Variants in LHFPL6 observed in about 807,000 individuals in gnomAD.
LHFPL6 encodes the protein LHFPL tetraspan subfamily member 6, also known as LHFPL tetraspan subfamily member 6 protein.
Under a neutral mutation model 20.6 loss-of-function variants are expected in LHFPL6, and 9 were observed. The observed-to-expected ratio is 0.44, with a 90% CI of 0.26 to 0.76. The LOEUF is 0.76. Ranked by LOEUF, LHFPL6 falls within the 30% of genes least tolerant of loss-of-function variation. The pLI is 0.20. For synonymous variants in LHFPL6, 105 were observed against 98.7 expected (o/e 1.06, Z -0.38); for missense variants, 218 against 253.5 (o/e 0.86, Z 0.95).
intron 2 of LHFPL6, among the ~76,000 whole-genome samples, chr13:39,399,439 TGATAAGTAG>T (rs1302881087): frequency 1.3e-5 from 2 of 152,104 alleles, no homozygotes; most frequent in Non-Finnish European, 1.5e-5. Flanking sequence ...AGGAGGAAAA[TGATAAGTAG>T]GAAAGAGACA....
intron 2 of LHFPL6, among the ~76,000 whole-genome samples, chr13:39,488,260 G>C (rs1401805211): frequency 6.6e-6 from 1 of 152,226 alleles, no homozygotes; most frequent in Non-Finnish European, 1.5e-5. Flanking sequence ...AGAACTGTCA[G>C]AAGTAAATGT....
chr13:39,522,446 T>A (rs991056737), intron 2 of LHFPL6, among the ~76,000 whole-genome samples: 1 of 152,172 alleles, frequency 6.6e-6, no homozygotes, highest in African/African-American at 2.4e-5. Context: ...CCAATATTAT[T>A]GTGTACTGCA....
At chr13:39,422,365 A>G (rs2138397092) in intron 2 of LHFPL6, among the ~76,000 whole-genome samples, 1 of 152,292 alleles carries the variant, frequency 6.6e-6, no homozygotes, top group African/African-American at 2.4e-5. Flanking sequence ...TTGGCGGATC[A>G]TCTGATGTCA....
At chr13:39,358,175 A>G (rs1869777304) in intron 3 of LHFPL6, among the ~76,000 whole-genome samples, 1 of 152,214 alleles carries the variant, frequency 6.6e-6, no homozygotes, top group Non-Finnish European at 1.5e-5. Flanking sequence ...CCAAAACAGC[A>G]TGGTACTGGT....
chr13:39,601,888 C>T (rs1228727847), intron 1 of LHFPL6, among the ~76,000 whole-genome samples: 2 of 152,126 alleles, frequency 1.3e-5, no homozygotes, highest in East Asian at 1.9e-4. Context: ...TTGCAGAGTA[C>T]CATAAATTTA....
chr13:39,498,443 C>A (rs1038098158), intron 2 of LHFPL6, among the ~76,000 whole-genome samples: 1 of 152,182 alleles, frequency 6.6e-6, no homozygotes, highest in Admixed American at 6.5e-5. Flanking sequence ...ACACATAGAA[C>A]AGTAGGGGGT....
At chr13:39,433,219 C>CT (rs1419053387) in intron 2 of LHFPL6, among the ~76,000 whole-genome samples, 1 of 151,904 alleles carries the variant, frequency 6.6e-6, no homozygotes, top group African/African-American at 2.4e-5. Flanking sequence ...GTGAGTAATG[C>CT]TTTTTTTTCT....
chr13:39,413,768 T>TTACAAACATTACAAACATTACAAACA (rs1871290094), intron 2 of LHFPL6, among the ~76,000 whole-genome samples: 2 of 152,174 alleles, frequency 1.3e-5, no homozygotes, highest in African/African-American at 4.8e-5. Flanking sequence ...CCATGTAAAC[T>TTACAAACATTACAAACATTACAAACA]TTACAAACAT....
chr13:39,424,559 C>G (rs1871589898), intron 2 of LHFPL6, among the ~76,000 whole-genome samples: 1 of 152,064 alleles, frequency 6.6e-6, no homozygotes, highest in Non-Finnish European at 1.5e-5. Context: ...CAAAGTGGAG[C>G]TACAGAAAAA....
At chr13:39,369,567 T>C (rs1231964039) in intron 3 of LHFPL6, among the ~76,000 whole-genome samples, 17 of 27,798 alleles carry the variant, frequency 6.1e-4, no homozygotes, top group Non-Finnish European at 1.7e-4. Context: ...TCATAGTAGG[T>C]TTCCTTCCTT....
chr13:39,387,213 TG>T (rs1870586999), intron 2 of LHFPL6, among the ~76,000 whole-genome samples: 1 of 152,206 alleles, frequency 6.6e-6, no homozygotes, highest in African/African-American at 2.4e-5. Context: ...AATGTATTTT[TG>T]TACACACATG....
At chr13:39,517,786 C>T (rs1352484283) in intron 2 of LHFPL6, among the ~76,000 whole-genome samples, 2 of 152,172 alleles carry the variant, frequency 1.3e-5, no homozygotes, top group African/African-American at 4.8e-5. Flanking sequence ...CCTCAGCCTC[C>T]CATGGCACTG....
chr13:39,358,402 A>C (rs1869782404), intron 3 of LHFPL6, among the ~76,000 whole-genome samples: 1 of 152,220 alleles, frequency 6.6e-6, no homozygotes, highest in Non-Finnish European at 1.5e-5. Flanking sequence ...AACTCGAGAG[A>C]TTAAAGATTT....
At chr13:39,560,188 C>G (rs1395928239) in intron 2 of LHFPL6, among the ~76,000 whole-genome samples, 1 of 152,212 alleles carries the variant, frequency 6.6e-6, no homozygotes, top group Non-Finnish European at 1.5e-5. Flanking sequence ...CTCCTGTTAT[C>G]AACAAACTGC....
At chr13:39,353,413 TG>T (rs1189757120) in intron 3 of LHFPL6, among the ~76,000 whole-genome samples, 3 of 151,890 alleles carry the variant, frequency 2.0e-5, no homozygotes, top group Non-Finnish European at 2.9e-5. Context: ...AGAATGTTTG[TG>T]GGGTGTGGTG....
intron 2 of LHFPL6, among the ~76,000 whole-genome samples, chr13:39,501,858 A>G (rs189535573): frequency 9.9e-5 from 15 of 152,204 alleles, no homozygotes; most frequent in African/African-American, 3.6e-4. Context: ...AAGAGGAGCC[A>G]AGAGTCAAGC....
intron 2 of LHFPL6, among the ~76,000 whole-genome samples, chr13:39,430,569 G>A (rs1427769099): frequency 1.3e-5 from 2 of 152,208 alleles, no homozygotes; most frequent in Non-Finnish European, 2.9e-5. Flanking sequence ...ACATTGAGAG[G>A]TGAAGCCAGC....
At chr13:39,602,628 C>T (rs1044049844) in intron 1 of LHFPL6, among the ~76,000 whole-genome samples, 9 of 152,300 alleles carry the variant, frequency 5.9e-5, no homozygotes, top group African/African-American at 9.6e-5. Flanking sequence ...ACACAATGAT[C>T]CCTCCATTCT....
chr13:39,413,436 T>C (rs1250550499), intron 2 of LHFPL6, among the ~76,000 whole-genome samples: 2 of 10,606 alleles, frequency 1.9e-4, no homozygotes, highest in Non-Finnish European at 7.3e-4. Context: ...TACTCAGGAT[T>C]TTTTTTTTTT....
Sources: gnomAD v4.1 joint callset for allele counts (sites outside exome capture counted in the v4.1 genomes callset) on GRCh38, gnomAD v4.1.1 for gene constraint, MANE v1.5 for transcripts, NCBI Gene and HGNC (gene_info 2026-07-23, HGNC 2026-07-21) for gene names.